TET2: variants seen among roughly 807,000 people sequenced by gnomAD.
TET2 encodes tet methylcytosine dioxygenase 2, also known as methylcytosine dioxygenase TET2.
In TET2, 299 loss-of-function variants were observed where a neutral mutation model predicts 142.9. That is an observed-to-expected ratio of 2.09 (90% CI 1.90 to 2.30). The LOEUF is 2.30. Ranked by LOEUF, TET2 falls within the 30% of genes most tolerant of loss-of-function variation. The pLI is 0.00. For synonymous variants in TET2, 819 were observed against 849.0 expected, an observed-to-expected ratio of 0.96 and a Z score of 0.61; for missense variants, 2,418 against 2,378.0, an observed-to-expected ratio of 1.02 and a Z score of -0.35.
Position 105,236,699 on chromosome 4 carries a change from C to CT in TET2, c.2759dup (p.Leu920PhefsTer4). ...CTGCGCAACTTGCTCAGCAAAGGTA[C>CT]TTGATACATAACCATGCAAATGTTT... On this transcript the variant is annotated frameshift_variant, in exon 3 of 11. Coordinates refer to ENST00000380013, the MANE Select transcript of TET2 (RefSeq NM_001127208.3). LOFTEE classifies it high-confidence loss of function. 2 of 1,614,104 alleles carry CT rather than the reference C, an allele frequency of 1.2e-6. No homozygotes were observed. Among genetic ancestry groups the CT allele is most frequent in the Non-Finnish European group, 1.7e-6 (2 of 1,180,008 alleles).
chr4:105,200,670 T>TGTTTTC (rs1726404670), intron 2 of TET2, among the ~76,000 whole-genome samples: 1 of 152,088 alleles, frequency 6.6e-6, no homozygotes, highest in African/African-American at 2.4e-5. Context: ...TTTTTGTTTT[T>TGTTTTC]GTTTTTTTGG....
intron 1 of TET2, among the ~76,000 whole-genome samples, chr4:105,171,898 A>G (rs1284338078): frequency 6.6e-6 from 1 of 152,154 alleles, no homozygotes; most frequent in Non-Finnish European, 1.5e-5. Flanking sequence ...CATCACCTTC[A>G]TATGTCCATA....
At chr4:105,246,000 A>G (rs1362260948) in intron 6 of TET2, among the ~76,000 whole-genome samples, 1 of 152,116 alleles carries the variant, frequency 6.6e-6, no homozygotes, top group Non-Finnish European at 1.5e-5. Context: ...TATTTTTCTC[A>G]GCTCACCACA....
chr4:105,189,545 G>C (rs529693995), intron 1 of TET2, among the ~76,000 whole-genome samples: 1 of 152,224 alleles, frequency 6.6e-6, no homozygotes, highest in East Asian at 1.9e-4. Context: ...TCAAAACAAC[G>C]CTTTCTCCCC....
chr4:105,193,590 AAGAT>A (rs1394916586), intron 2 of TET2, among the ~76,000 whole-genome samples: 5 of 152,146 alleles, frequency 3.3e-5, no homozygotes, highest in African/African-American at 1.2e-4. Flanking sequence ...GAGAGAAGGG[AAGAT>A]AGATTTTATA....
At chr4:105,214,992 T>A (rs1363165439) in intron 2 of TET2, among the ~76,000 whole-genome samples, 1 of 152,156 alleles carries the variant, frequency 6.6e-6, no homozygotes. Flanking sequence ...CTTGTGTCTG[T>A]GGCAGGAGCA....
rs1476626303 is a variant in TET2 at position 105,234,611 on chromosome 4, T to A, written c.669T>A (p.Gly223=). ...VSASSVEHTH[G]ELLEKTLSQY... is the part of the protein sequence containing the mutation. ...CCTCTTCCGTGGAACACACACATGGTGAACTCCTGGAAAAAACACTGTCTC... is the reference window on the plus strand; with the variant it reads ...CCTCTTCCGTGGAACACACACATGGAGAACTCCTGGAAAAAACACTGTCTC... Residue 223 remains glycine (G), a synonymous_variant, in exon 3 of 11, where the codon GGT becomes GGA. Coordinates refer to ENST00000380013, the MANE Select transcript of TET2 (RefSeq NM_001127208.3). The A allele has an allele frequency of 6.2e-7, 1 of 1,613,964 alleles. No individual in the cohort carries two copies. Among genetic ancestry groups the A allele is most frequent in the Non-Finnish European group, 8.5e-7 (1 of 1,180,024 alleles).
Position 105,275,273 on chromosome 4 carries a change from T to A in TET2, c.4763T>A (p.Ile1588Asn). 1 of 1,552,278 alleles carries A rather than the reference T, an allele frequency of 6.4e-7. No individual in the cohort carries two copies. Among genetic ancestry groups the A allele is most frequent in the Non-Finnish European group, 8.7e-7 (1 of 1,147,104 alleles). The change falls in exon 11 of 11, where the codon ATC becomes AAC. Residue 1588 changes from isoleucine (I) to asparagine (N), a missense_variant. Transcript: ENST00000380013. ...CCAAACTCTTCACACACTTCAGATA[T>A]CTATGGAAGCACCAGCCCTATGAAC... ...PYPNSSHTSD[I>N]YGSTSPMNFY...
At chr4:105,255,072 G>C (rs1268535844) in intron 6 of TET2, among the ~76,000 whole-genome samples, 1 of 152,170 alleles carries the variant, frequency 6.6e-6, no homozygotes, top group Non-Finnish European at 1.5e-5. Flanking sequence ...ACAGATCTAA[G>C]TAGTCTTGAT....
At chr4:105,214,576 A>G (rs1296762120) in intron 2 of TET2, among the ~76,000 whole-genome samples, 1 of 141,718 alleles carries the variant, frequency 7.1e-6, no homozygotes, top group Non-Finnish European at 1.5e-5. Flanking sequence ...TCAAACCACC[A>G]CACCCAACCC....
At chr4:105,195,989 C>G (rs1726067223) in intron 2 of TET2, among the ~76,000 whole-genome samples, 1 of 152,184 alleles carries the variant, frequency 6.6e-6, no homozygotes, top group African/African-American at 2.4e-5. Context: ...TTAAGTCCTG[C>G]TCACCAGCTT....
At position 105,275,109 on chromosome 4, in the gene TET2, G is replaced by A. The variant is rs1429710815; in HGVS notation, c.4599G>A (p.Lys1533=). Residue 1533 remains lysine, a synonymous_variant, in exon 11 of 11, where the codon AAG becomes AAA. Transcript: ENST00000380013. ...CCCAGCAGCCCCAGCCTCTACAGAA[G>A]CAGCCACCACAGCCCCAGCAGCAGC... ...QQSQQPQPLQ[K]QPPQPQQQQR... 6.4e-7 allele frequency: 1 copy of A among 1,551,140 alleles called. No individual in the cohort carries two copies. The highest frequency in any genetic ancestry group is 8.7e-7 in the Non-Finnish European group (1 of 1,146,706).
At position 105,236,499 on chromosome 4, in the gene TET2, C is replaced by CT. The variant is rs1560546209; in HGVS notation, c.2562dup (p.Ala855CysfsTer17). On this transcript the variant is annotated frameshift_variant, in exon 3 of 11. Transcript: ENST00000380013. LOFTEE classifies it high-confidence loss of function. ...TAAAGAACAGACTACACATCCTGAA[C>CT]TTTTTGCAGGAAACAAGACCCAAAA... 1.2e-6 allele frequency: 2 copies of CT among 1,614,100 alleles called. No homozygotes were observed. Among genetic ancestry groups the CT allele is most frequent in the Non-Finnish European group, 8.5e-7 (1 of 1,180,002 alleles).
At chr4:105,159,848 A>G (rs978703420) in intron 1 of TET2, among the ~76,000 whole-genome samples, 1 of 152,118 alleles carries the variant, frequency 6.6e-6, no homozygotes, top group African/African-American at 2.4e-5. Context: ...TGCTAAAAAT[A>G]CAAAAATTAG....
intron 1 of TET2, among the ~76,000 whole-genome samples, chr4:105,159,017 C>T (rs892976076): frequency 1.3e-5 from 2 of 152,034 alleles, no homozygotes; most frequent in East Asian, 3.9e-4. Flanking sequence ...CAAACACCAT[C>T]CTAGGATTCC....
intron 6 of TET2, among the ~76,000 whole-genome samples, chr4:105,245,186 G>A (rs946075638): frequency 1.3e-5 from 2 of 152,170 alleles, no homozygotes; most frequent in African/African-American, 4.8e-5. Context: ...CTATATGAAA[G>A]TGTGACTTGA....
intron 9 of TET2, among the ~76,000 whole-genome samples, chr4:105,269,998 C>T (rs1433015580): frequency 1.3e-5 from 2 of 152,168 alleles, no homozygotes; most frequent in East Asian, 1.9e-4. Flanking sequence ...ATGAGACTTA[C>T]TCTCCTGAGA....
At chr4:105,166,990 G>A (rs1724186190) in intron 1 of TET2, among the ~76,000 whole-genome samples, 1 of 151,850 alleles carries the variant, frequency 6.6e-6, no homozygotes, top group Middle Eastern at 3.2e-3. Flanking sequence ...TTAGCTTAAG[G>A]TACTTTTCTT....
chr4:105,216,287 G>A (rs1234734492), intron 2 of TET2, among the ~76,000 whole-genome samples: 2 of 152,164 alleles, frequency 1.3e-5, no homozygotes, highest in South Asian at 2.1e-4. Flanking sequence ...AAACAGGTCG[G>A]GGGGAGGAGA....
Sources: allele counts gnomAD v4.1 joint callset (sites outside exome capture counted in the v4.1 genomes callset), GRCh38; gene constraint gnomAD v4.1.1; transcripts MANE v1.5; gene names NCBI Gene and HGNC (gene_info 2026-07-23, HGNC 2026-07-21).